Variants in INPP4B observed in about 807,000 individuals in gnomAD.
INPP4B encodes the protein inositol polyphosphate 4-phosphatase type II.
Under a neutral mutation model 122.5 loss-of-function variants are expected in INPP4B, and 55 were observed. The observed-to-expected ratio is 0.45, with a 90% CI of 0.36 to 0.56. INPP4B has a LOEUF of 0.56. INPP4B is among the 20% of genes least tolerant of loss of function. INPP4B has a pLI of 0.00. For missense variants in INPP4B, 1,000 were observed against 1,097.7 expected (o/e 0.91, Z 1.26); for synonymous variants, 403 against 388.7 (o/e 1.04, Z -0.43).
At chr4:142,805,512 T>G (rs1778570298) in intron 1 of INPP4B, among the ~76,000 whole-genome samples, 1 of 152,176 alleles carries the variant, frequency 6.6e-6, no homozygotes, top group Non-Finnish European at 1.5e-5. Flanking sequence ...AACATGGGTT[T>G]GAACTGATGG....
chr4:142,609,262 A>G (rs1741972785), intron 2 of INPP4B, among the ~76,000 whole-genome samples: 1 of 151,834 alleles, frequency 6.6e-6, no homozygotes, highest in South Asian at 2.1e-4. Context: ...ACTAAGACCA[A>G]AAGGCTGCAT....
intron 14 of INPP4B, among the ~76,000 whole-genome samples, chr4:142,202,255 A>G (rs1259667324): frequency 6.6e-6 from 1 of 151,988 alleles, no homozygotes; most frequent in Non-Finnish European, 1.5e-5. Context: ...TGAGATAATA[A>G]CTCTATTTTT....
intron 9 of INPP4B, among the ~76,000 whole-genome samples, chr4:142,273,304 T>C (rs374338725): frequency 5.3e-5 from 8 of 151,928 alleles, no homozygotes; most frequent in African/African-American, 1.9e-4. Flanking sequence ...TTTATTAATG[T>C]ATTAAATTAT....
chr4:142,065,864 T>C (rs1763254344), intron 25 of INPP4B, among the ~76,000 whole-genome samples: 1 of 152,136 alleles, frequency 6.6e-6, no homozygotes, highest in Non-Finnish European at 1.5e-5. Flanking sequence ...TGAAGAGATG[T>C]GTGGGGTGAG....
chr4:142,774,066 G>T (rs914615679), intron 1 of INPP4B, among the ~76,000 whole-genome samples: 2 of 152,076 alleles, frequency 1.3e-5, no homozygotes, highest in Non-Finnish European at 2.9e-5. Context: ...AAAGAAGAGT[G>T]CATGTACATA....
chr4:142,153,468 T>C (rs1243915287), intron 17 of INPP4B, among the ~76,000 whole-genome samples: 1 of 152,190 alleles, frequency 6.6e-6, no homozygotes, highest in African/African-American at 2.4e-5. Flanking sequence ...ATTTCTAATG[T>C]GTATGTATGC....
At chr4:142,464,204 T>C (rs1009477700) in intron 2 of INPP4B, among the ~76,000 whole-genome samples, 20 of 152,162 alleles carry the variant, frequency 1.3e-4, no homozygotes, top group African/African-American at 4.6e-4. Context: ...AATATGTGTA[T>C]AAAAATGTTA....
chr4:142,049,277 A>G (rs1351637864), intron 25 of INPP4B, among the ~76,000 whole-genome samples: 1 of 152,082 alleles, frequency 6.6e-6, no homozygotes, highest in Non-Finnish European at 1.5e-5. Context: ...AAAGTATATG[A>G]ATTCTGCTAG....
At chr4:142,149,453 G>A (rs1174938814) in intron 17 of INPP4B, among the ~76,000 whole-genome samples, 1 of 152,108 alleles carries the variant, frequency 6.6e-6, no homozygotes, top group African/African-American at 2.4e-5. Flanking sequence ...TGGTATAAAT[G>A]GACTAGAACT....
At chr4:142,394,053 C>T (rs970200188) in intron 7 of INPP4B, among the ~76,000 whole-genome samples, 6 of 152,134 alleles carry the variant, frequency 3.9e-5, no homozygotes, top group South Asian at 2.1e-4. Context: ...TTTGAGAAAC[C>T]GCCATAGTGT....
intron 23 of INPP4B, among the ~76,000 whole-genome samples, chr4:142,097,232 T>G (rs1173049732): frequency 2.1e-5 from 3 of 144,492 alleles, no homozygotes; most frequent in Non-Finnish European, 3.1e-5. Flanking sequence ...TTATTTTTAT[T>G]TTATTTTATT....
At chr4:142,574,967 GT>G (rs1287061657) in intron 2 of INPP4B, among the ~76,000 whole-genome samples, 4 of 152,074 alleles carry the variant, frequency 2.6e-5, no homozygotes, top group African/African-American at 9.7e-5. Flanking sequence ...GAAAATGTAG[GT>G]TTAGTTGAAA....
intron 2 of INPP4B, among the ~76,000 whole-genome samples, chr4:142,473,826 A>C (rs906873999): frequency 9.9e-5 from 15 of 152,094 alleles, no homozygotes; most frequent in African/African-American, 3.6e-4. Flanking sequence ...CCAGCCCAGC[A>C]GACTCACTTC....
intron 2 of INPP4B, among the ~76,000 whole-genome samples, chr4:142,586,508 C>T (rs748659714): frequency 6.6e-6 from 1 of 152,110 alleles, no homozygotes; most frequent in Non-Finnish European, 1.5e-5. Flanking sequence ...TTGCCTTCTC[C>T]ATTATTCCCA....
At chr4:142,371,972 A>G (rs770171628) in intron 7 of INPP4B, among the ~76,000 whole-genome samples, 5 of 152,102 alleles carry the variant, frequency 3.3e-5, no homozygotes, top group Non-Finnish European at 7.4e-5. Flanking sequence ...TATCAAAGGG[A>G]TACCTGCATC....
chr4:142,515,869 G>C (rs914687153), intron 2 of INPP4B, among the ~76,000 whole-genome samples: 1 of 152,018 alleles, frequency 6.6e-6, no homozygotes, highest in African/African-American at 2.4e-5. Context: ...TTAAATGCTT[G>C]TTTTATTGGA....
In INPP4B at chr4:142,562,942, C is replaced by T. The variant is rs570969135; in HGVS notation, c.-190-100216G>A. Among the ~76,000 whole-genome samples the T allele has an allele frequency of 4.9e-3, 751 of 152,088 alleles. 3 individuals are homozygous for T. Among genetic ancestry groups the T allele is most frequent in the Non-Finnish European group, 7.6e-3 (520 of 67,974 alleles). On this transcript the variant is annotated intron_variant, in intron 2 of 25. Transcript: ENST00000262992. Reference sequence around the variant, plus strand: ...GGAAATTGGGATACAAAGGTACAGACGTCAATAATAAATGCTAGGGTTCAA... The same window carrying T: ...GGAAATTGGGATACAAAGGTACAGATGTCAATAATAAATGCTAGGGTTCAA...
At chr4:142,558,269 G>A (rs192763454) in intron 2 of INPP4B, among the ~76,000 whole-genome samples, 145 of 152,140 alleles carry the variant, frequency 9.5e-4, no homozygotes, top group Admixed American at 2.3e-3. Flanking sequence ...TGTCTGTTGT[G>A]GCTTGACAGA....
At chr4:142,377,206 G>T (rs943378823) in intron 7 of INPP4B, among the ~76,000 whole-genome samples, 2 of 151,722 alleles carry the variant, frequency 1.3e-5, no homozygotes, top group Non-Finnish European at 2.9e-5. Context: ...TTAAACATTG[G>T]TCCATTTCAC....
Sources: allele counts gnomAD v4.1 joint callset (sites outside exome capture counted in the v4.1 genomes callset), GRCh38; gene constraint gnomAD v4.1.1; transcripts MANE v1.5; gene names NCBI Gene and HGNC (gene_info 2026-07-23, HGNC 2026-07-21).